The following OR7A10 variants were observed in gnomAD, a reference collection of about 807,000 sequenced individuals.
The protein encoded by OR7A10 is olfactory receptor family 7 subfamily A member 10, also known as olfactory receptor 7A10.
For synonymous variants in OR7A10, 144 were observed against 144.5 expected, an observed-to-expected ratio of 1.00 and a Z score of 0.02; for missense variants, 358 against 370.1, an observed-to-expected ratio of 0.97 and a Z score of 0.27.
In OR7A10 at chr19:14,840,833, A is replaced by T. The variant is rs931520457; in HGVS notation, c.*115T>A. The T allele has an allele frequency of 4.7e-5, 34 of 716,048 alleles. 1 individual carries two copies. Among genetic ancestry groups the T allele is most frequent in the Non-Finnish European group, 7.2e-5 (31 of 433,476 alleles). 44.4% of individuals were successfully genotyped at this position (716,048 alleles called of 1,614,324 possible). On this transcript the variant is annotated 3_prime_UTR_variant, in exon 2 of 2. Transcript: ENST00000641129. Reference sequence around the variant, plus strand: ...TGAGGAACAAAGAAGTTTAAACTCCAGGAAATAAATGGAAGGGGCAAGTCT... The same window carrying T: ...TGAGGAACAAAGAAGTTTAAACTCCTGGAAATAAATGGAAGGGGCAAGTCT...
In OR7A10 at chr19:14,844,869, G is replaced by A. The variant is rs540417836; in HGVS notation, c.-12-2980C>T. Among the ~76,000 whole-genome samples the A allele has an allele frequency of 3.4e-4, 52 of 151,496 alleles. 1 individual carries two copies. In the Middle Eastern group the frequency reaches 0.017, roughly 50 times the overall value. ...GTAGAGATGGAGTTTCGCCATGTTGGTCAGGCTGGTCTCAAACTCCTGACC... is the reference window on the plus strand; with the variant it reads ...GTAGAGATGGAGTTTCGCCATGTTGATCAGGCTGGTCTCAAACTCCTGACC... On this transcript the variant is annotated intron_variant, in intron 1 of 1. Coordinates refer to ENST00000641129, the MANE Select transcript of OR7A10 (RefSeq NM_001005190.2).
At chr19:14,842,047 T>A (rs750020889) in intron 1 of OR7A10, among the ~76,000 whole-genome samples, 158 bp from the exon 2 acceptor site, 1 of 152,232 alleles carries the variant, frequency 6.6e-6, no homozygotes, top group Non-Finnish European at 1.5e-5. Flanking sequence ...TAAAATTATA[T>A]GTATTTATCA....
In OR7A10 at chr19:14,841,377, G is replaced by T. The variant is rs114596415; in HGVS notation, c.501C>A (p.Pro167=). The T allele has an allele frequency of 3.1e-3, 4,990 of 1,614,058 alleles. 136 individuals are homozygous for T. In the African/African-American group the frequency reaches 0.057, roughly 19 times the overall value. ...MLQSLMVLPL[P]FCTHMEIPHF... is the part of the protein sequence containing the mutation. ...GAGGGATTTCCATGTGTGTACAAAA[G>T]GGCAGTGGCAACACCATTAAGCTTT... is the stretch of plus-strand genomic sequence containing the variant. The change falls in exon 2 of 2, where the codon CCC becomes CCA. Residue 167 remains proline, a synonymous_variant. Coordinates refer to ENST00000641129, the MANE Select transcript of OR7A10 (RefSeq NM_001005190.2).
intron 1 of OR7A10, among the ~76,000 whole-genome samples, chr19:14,846,525 T>C (rs1474500808): frequency 6.6e-6 from 1 of 151,572 alleles, no homozygotes; most frequent in African/African-American, 2.4e-5. Flanking sequence ...CTACCAGTCA[T>C]GGAAACTAAA....
At position 14,848,488 on chromosome 19, in the gene OR7A10, T is replaced by G. The variant is rs545066214; in HGVS notation, c.-13+12A>C. 6.6e-6 allele frequency: 1 copy of G among 152,384 alleles called. No homozygotes were observed. The highest frequency in any genetic ancestry group is 2.1e-4 in the South Asian group (1 of 4,826). 9.4% of individuals were successfully genotyped at this position (152,384 alleles called of 1,614,324 possible). A position where few individuals can be genotyped will look rare whatever the true frequency, so the allele number is the denominator to read the frequency against. On this transcript the variant is annotated intron_variant, in intron 1 of 1. Coordinates refer to ENST00000641129, the MANE Select transcript of OR7A10 (RefSeq NM_001005190.2). The stretch of plus-strand genomic sequence containing the variant: ...CTCCCTGATCCTTTCCTACGGTACC[T>G]ATTGGACTCACCCTGTTGGGTTTTC...
intron 1 of OR7A10, among the ~76,000 whole-genome samples, chr19:14,844,664 G>GTTTTTTGTTTTTTTTTTTTTTTTTT (rs1555697160): frequency 3.1e-5 from 3 of 97,660 alleles, no homozygotes; most frequent in East Asian, 2.8e-4. Context: ...TGAGTTCTGT[G>GTTTTTTGTTTTTTTTTTTTTTTTTT]TTTTTTTTTT....
chr19:14,842,201 G>C (rs971494853), intron 1 of OR7A10, among the ~76,000 whole-genome samples: 21 of 152,100 alleles, frequency 1.4e-4, no homozygotes, highest in Admixed American at 1.4e-3. Flanking sequence ...ATAGGTGTTC[G>C]ATCCTTACTC....
Position 14,840,836 on chromosome 19 carries a change from A to G in OR7A10, c.*112T>C, listed in dbSNP as rs2044906258. 4.1e-6 allele frequency: 3 copies of G among 727,006 alleles called. No homozygotes were observed. Among genetic ancestry groups the G allele is most frequent in the Admixed American group, 5.7e-5 (2 of 34,918 alleles). The allele number at this position is 727,006 out of a possible 1,614,324, so 45.0% of individuals were successfully genotyped here. On this transcript the variant is annotated 3_prime_UTR_variant, in exon 2 of 2. Transcript: ENST00000641129. Reference sequence around the variant, plus strand: ...GGAACAAAGAAGTTTAAACTCCAGGAAATAAATGGAAGGGGCAAGTCTTCC... The same window carrying G: ...GGAACAAAGAAGTTTAAACTCCAGGGAATAAATGGAAGGGGCAAGTCTTCC...
chr19:14,846,324 AAG>A (rs1452603645), intron 1 of OR7A10, among the ~76,000 whole-genome samples: 1 of 152,184 alleles, frequency 6.6e-6, no homozygotes, highest in Non-Finnish European at 1.5e-5. Flanking sequence ...ATAATATAGA[AAG>A]AGAAGTTTTA....
chr19:14,841,133 A>C lies in OR7A10; in HGVS notation c.745T>G (p.Ser249Ala), dbSNP rs544077183. 8.1e-6 allele frequency: 13 copies of C among 1,614,068 alleles called. No individual in the cohort carries two copies. Among genetic ancestry groups the C allele is most frequent in the African/African-American group, 4.0e-5 (3 of 75,044 alleles). The stretch of plus-strand genomic sequence containing the variant: ...CCTAAGCATGTACCATAAAATAAGG[A>C]GACAACTGAGAGGTGAGATGCACAG... ...STCASHLSVVSLFYGTCLGVY... is the reference protein window; with the variant it reads ...STCASHLSVVALFYGTCLGVY... Residue 249 changes from serine (S) to alanine (A), a missense_variant, in exon 2 of 2, where the codon TCC becomes GCC. Coordinates refer to ENST00000641129, the MANE Select transcript of OR7A10 (RefSeq NM_001005190.2).
chr19:14,841,992 G>T, intron 1 of OR7A10, 103 bp from the exon 2 acceptor site: 2 of 694,636 alleles, frequency 2.9e-6, no homozygotes, highest in East Asian at 2.7e-5. Context: ...CCACAGTCAA[G>T]AAGTTAATAT....
intron 1 of OR7A10, among the ~76,000 whole-genome samples, chr19:14,846,003 A>G (rs2044940896): frequency 6.6e-6 from 1 of 152,108 alleles, no homozygotes; most frequent in African/African-American, 2.4e-5. Context: ...AAATACCAAA[A>G]TTAGCCTGGC....
intron 1 of OR7A10, among the ~76,000 whole-genome samples, chr19:14,842,718 A>C (rs1019879645): frequency 6.6e-6 from 1 of 152,160 alleles, no homozygotes; most frequent in African/African-American, 2.4e-5. Flanking sequence ...ATGGCTTCGT[A>C]ATATTCCATG....
At chr19:14,842,078 T>A (rs10409335) in intron 1 of OR7A10, among the ~76,000 whole-genome samples, 189 bp from the exon 2 acceptor site, 3,785 of 152,328 alleles carry the variant, frequency 0.025, 132 homozygotes, top group African/African-American at 0.082. Context: ...GATGTGTTTT[T>A]AAAAGTTTTA....
rs60087409 is a variant in OR7A10 at position 14,846,709 on chromosome 19, C to CAAAAAAAAAAAAAAAA, written c.-13+1775_-13+1790dup. On this transcript the variant is annotated intron_variant, in intron 1 of 1. Transcript: ENST00000641129. The stretch of plus-strand genomic sequence containing the variant: ...TGGGTGACAGAGCGAGACTCCATCT[C>CAAAAAAAAAAAAAAAA]AAAAAAAAAAAAAAAAGGAAAAGGA... Among the ~76,000 whole-genome samples, 162 of 63,954 alleles carry CAAAAAAAAAAAAAAAA rather than the reference C, an allele frequency of 2.5e-3. 7 individuals carry two copies. Among genetic ancestry groups the CAAAAAAAAAAAAAAAA allele is most frequent in the African/African-American group, 3.2e-3 (48 of 15,146 alleles). 42.0% of individuals were successfully genotyped at this position (63,954 alleles called of 152,430 possible). A position where few individuals can be genotyped will look rare whatever the true frequency, so the allele number is the denominator to read the frequency against.
rs778337262 is a variant in OR7A10 at position 14,840,718 on chromosome 19, G to A, written c.*230C>T. The stretch of plus-strand genomic sequence containing the variant: ...CCCCAACGAAAACAAATATTCCATA[G>A]TTATTTCATGTATGATTGAAAATTA... On this transcript the variant is annotated 3_prime_UTR_variant, in exon 2 of 2. Transcript: ENST00000641129. 9.9e-6 allele frequency: 4 copies of A among 403,584 alleles called. No individual in the cohort carries two copies. The highest frequency in any genetic ancestry group is 1.8e-5 in the Non-Finnish European group (4 of 226,326). 25.0% of individuals were successfully genotyped at this position (403,584 alleles called of 1,614,324 possible). A position where few individuals can be genotyped will look rare whatever the true frequency, so the allele number is the denominator to read the frequency against.
At chr19:14,846,577 G>A (rs541524302) in intron 1 of OR7A10, among the ~76,000 whole-genome samples, 221 of 151,890 alleles carry the variant, frequency 1.5e-3, no homozygotes, top group African/African-American at 4.7e-3. Flanking sequence ...GCGTGTGGTG[G>A]TTGGTGCCTG....
intron 1 of OR7A10, among the ~76,000 whole-genome samples, chr19:14,844,088 C>T (rs965224715): frequency 6.6e-6 from 1 of 152,004 alleles, no homozygotes; most frequent in African/African-American, 2.4e-5. Context: ...TTTAAAAAAC[C>T]CCTCCAGAAG....
At chr19:14,848,311 G>A (rs1384482301) in intron 1 of OR7A10, among the ~76,000 whole-genome samples, 189 bp downstream of exon 1, 1 of 152,044 alleles carries the variant, frequency 6.6e-6, no homozygotes, top group African/African-American at 2.4e-5. Flanking sequence ...ATTCTCCATT[G>A]CTGAGTTCAA....
Sources: gnomAD v4.1 joint callset for allele counts (sites outside exome capture counted in the v4.1 genomes callset) on GRCh38, gnomAD v4.1.1 for gene constraint, MANE v1.5 for transcripts, NCBI Gene and HGNC (gene_info 2026-07-23, HGNC 2026-07-21) for gene names.